The following TNRC6B variants were observed in gnomAD, a reference collection of about 807,000 sequenced individuals.
The protein encoded by TNRC6B is trinucleotide repeat-containing gene 6B protein.
A neutral mutation model predicts 203.6 loss-of-function variants in TNRC6B; 52 were observed. The ratio of observed to expected loss-of-function variants is 0.26; its 90% CI spans 0.20 to 0.32. TNRC6B has a LOEUF of 0.32. Ranked by LOEUF, TNRC6B falls within the 10% of genes least tolerant of loss-of-function variation. TNRC6B has a pLI of 1.00. For missense variants in TNRC6B, 1,923 were observed against 2,286.2 expected (o/e 0.84, Z 3.24); for synonymous variants, 838 against 845.7 (o/e 0.99, Z 0.16).
intron 1 of TNRC6B, among the ~76,000 whole-genome samples, chr22:40,211,953 C>CTGG (rs2069570235): frequency 6.6e-6 from 1 of 152,198 alleles, no homozygotes; most frequent in Non-Finnish European, 1.5e-5. Flanking sequence ...TCTTCTCCTG[C>CTGG]TGGATAGTCT....
intron 1 of TNRC6B, among the ~76,000 whole-genome samples, chr22:40,070,891 T>A (rs2067940814): frequency 6.6e-6 from 1 of 152,166 alleles, no homozygotes. Flanking sequence ...CAGCCAAAGC[T>A]ATGACTAAAG....
chr22:40,051,883 T>C (rs556329788), intron 1 of TNRC6B, among the ~76,000 whole-genome samples: 1 of 152,306 alleles, frequency 6.6e-6, no homozygotes, highest in Admixed American at 6.5e-5. Context: ...ATGAGATACT[T>C]TACATTCTTT....
Position 40,315,982 on chromosome 22 carries a change from C to T in TNRC6B, c.4944C>T (p.Tyr1648=), listed in dbSNP as rs374023371. 7 of 1,613,876 alleles carry T rather than the reference C, an allele frequency of 4.3e-6. No homozygotes were observed. The highest frequency in any genetic ancestry group is 5.9e-6 in the Non-Finnish European group (7 of 1,179,842). The part of the protein sequence containing the change: ...WSDGGSVRPS[Y]WLVLHNLTPQ... ...ATGGTGGCTCAGTTCGTCCTAGTTA[C>T]TGGCTGGTTCTTCACAATCTCACCC... The change falls in exon 21 of 23, where the codon TAC becomes TAT. Residue 1648 remains tyrosine, a synonymous_variant. Coordinates refer to ENST00000454349, the MANE Select transcript of TNRC6B (RefSeq NM_001162501.2).
intron 1 of TNRC6B, among the ~76,000 whole-genome samples, chr22:40,214,193 G>A (rs2069602246): frequency 6.6e-6 from 1 of 152,132 alleles, no homozygotes; most frequent in Non-Finnish European, 1.5e-5. Flanking sequence ...CTTGAACCCA[G>A]GGGGCAGAGG....
intron 1 of TNRC6B, among the ~76,000 whole-genome samples, chr22:40,187,436 G>A (rs547447619): frequency 6.6e-6 from 1 of 152,234 alleles, no homozygotes; most frequent in Admixed American, 6.5e-5. Flanking sequence ...ATGGTACATT[G>A]GTAGAAGTTC....
chr22:40,076,166 C>T (rs745546103), intron 1 of TNRC6B, among the ~76,000 whole-genome samples: 1 of 152,178 alleles, frequency 6.6e-6, no homozygotes, highest in African/African-American at 2.4e-5. Flanking sequence ...CCTGTAATCC[C>T]AGCACTTTGG....
chr22:40,064,271 A>G (rs549450231), intron 1 of TNRC6B, among the ~76,000 whole-genome samples: 2 of 151,946 alleles, frequency 1.3e-5, no homozygotes, highest in Admixed American at 6.6e-5. Flanking sequence ...CTCCAGTACA[A>G]TGTTGGCCAA....
At chr22:40,170,985 A>G (rs1452032512) in intron 4 of TNRC6B, among the ~76,000 whole-genome samples, 6 of 147,234 alleles carry the variant, frequency 4.1e-5, no homozygotes, top group African/African-American at 1.5e-4. Context: ...ATATGTACAT[A>G]TATGTGTATA....
chr22:40,285,101 A>G (rs1391077712), intron 11 of TNRC6B, among the ~76,000 whole-genome samples: 4 of 152,176 alleles, frequency 2.6e-5, no homozygotes, highest in Non-Finnish European at 5.9e-5. Flanking sequence ...TTCCTTTTCT[A>G]TCTCACTGGG....
At chr22:40,207,058 C>T (rs1041610677) in intron 1 of TNRC6B, among the ~76,000 whole-genome samples, 1 of 152,050 alleles carries the variant, frequency 6.6e-6, no homozygotes, top group Non-Finnish European at 1.5e-5. Flanking sequence ...CAGTCCTTCA[C>T]GTTCATGCCT....
chr22:40,088,567 A>G (rs949871087), intron 1 of TNRC6B, among the ~76,000 whole-genome samples: 4 of 142,542 alleles, frequency 2.8e-5, no homozygotes, highest in African/African-American at 7.8e-5. Flanking sequence ...ACCTGCCACC[A>G]TGCCCGGCGG....
In TNRC6B at chr22:40,148,467, A is replaced by G. The variant is rs565953542; in HGVS notation, c.46-7648A>G. Among the ~76,000 whole-genome samples, 3 of 152,110 alleles carry G rather than the reference A, an allele frequency of 2.0e-5. No individual in the cohort carries two copies. In the South Asian group the frequency reaches 6.2e-4, roughly 32 times the overall value. On this transcript the variant is annotated intron_variant, in intron 3 of 23. Coordinates refer to the TNRC6B transcript ENST00000301923. Reference sequence around the variant, plus strand: ...CCCAGCTAATTTTTGTATTTTTAGTAGAGATGGAGTTTCACCATGTTGGCC... The same window carrying G: ...CCCAGCTAATTTTTGTATTTTTAGTGGAGATGGAGTTTCACCATGTTGGCC...
intron 1 of TNRC6B, among the ~76,000 whole-genome samples, chr22:40,214,792 G>A (rs557080139): frequency 1.3e-5 from 2 of 152,166 alleles, no homozygotes; most frequent in East Asian, 1.9e-4. Flanking sequence ...GGCCTCAAGC[G>A]ATCCTCCCAC....
intron 1 of TNRC6B, among the ~76,000 whole-genome samples, chr22:40,089,318 C>T (rs942761548): frequency 5.3e-5 from 8 of 152,004 alleles, no homozygotes; most frequent in Admixed American, 5.2e-4. Flanking sequence ...CTGCAACCTC[C>T]GCCTCCCGTG....
In TNRC6B at chr22:40,264,759, A is replaced by G. The variant is rs1569044004; in HGVS notation, c.529A>G (p.Asn177Asp). 25 of 1,612,212 alleles carry G rather than the reference A, an allele frequency of 1.6e-5. No homozygotes were observed. The highest frequency in any genetic ancestry group is 2.1e-5 in the Non-Finnish European group (25 of 1,179,002). The part of the protein sequence containing the change: ...STWGSGASSN[N>D]GTSPNPIHIW... ...TTGGGGCTCGGGAGCCTCCTCCAAC[A>G]ACGGCACCTCCCCCAACCCAATTCA... Residue 177 changes from asparagine (N) to aspartate (D), a missense_variant, in exon 5 of 23, where the codon AAC becomes GAC. By Grantham distance (23) the Asn-to-Asp change is conservative. Around this residue, in one of 8 missense-constraint regions of TNRC6B, gnomAD observed 614 missense variants for 587.7 expected, o/e 1.04. Coordinates refer to ENST00000454349, the MANE Select transcript of TNRC6B (RefSeq NM_001162501.2).
At chr22:40,269,134 T>C (rs1222105457) in intron 5 of TNRC6B, among the ~76,000 whole-genome samples, 1 of 117,410 alleles carries the variant, frequency 8.5e-6, no homozygotes, top group Admixed American at 8.6e-5. Context: ...TTCTTTTTTT[T>C]TTTTTTTTTT....
rs1365124688 is a variant in TNRC6B at position 40,265,373 on chromosome 22, G to C, written c.1143G>C (p.Leu381Phe). The C allele has an allele frequency of 6.2e-7, 1 of 1,613,840 alleles. No individual in the cohort carries two copies. The highest frequency in any genetic ancestry group is 1.3e-5 in the African/African-American group (1 of 74,916). Residue 381 changes from leucine (L) to phenylalanine (F), a missense_variant, in exon 5 of 23, where the codon TTG (leucine) becomes TTC (phenylalanine). Physicochemically the swap from Leu to Phe is conservative, Grantham distance 22. This residue lies in a region of TNRC6B where 614 missense variants were observed against 587.7 expected (regional missense o/e 1.04). Transcript: ENST00000454349. ...DGPKNGNTNSLNLSSPNPMEN... is the reference protein window; with the variant it reads ...DGPKNGNTNSFNLSSPNPMEN... The stretch of plus-strand genomic sequence containing the variant: ...CAAAAAATGGAAACACTAACTCCTT[G>C]AACTTAAGTTCACCAAACCCCATGG...
At chr22:40,047,067 C>G (rs559001996) in intron 1 of TNRC6B, among the ~76,000 whole-genome samples, 12 of 152,236 alleles carry the variant, frequency 7.9e-5, no homozygotes, top group African/African-American at 2.4e-4. Context: ...AATTCTTAGC[C>G]CAAGCCTGTG....
At chr22:40,246,362 G>A (rs773931817) in intron 2 of TNRC6B, 1 of 246,634 alleles carries the variant, frequency 4.1e-6, no homozygotes, top group Non-Finnish European at 8.1e-6. Context: ...GCTAATTTTT[G>A]TGTTTTTAGT....
Sources: gnomAD v4.1 joint callset for allele counts (sites outside exome capture counted in the v4.1 genomes callset) on GRCh38, gnomAD v4.1.1 for gene constraint, gnomAD v4.1.1 regional missense constraint, MANE v1.5 for transcripts, NCBI Gene and HGNC (gene_info 2026-07-23, HGNC 2026-07-21) for gene names.